ENPP6: variants seen among roughly 807,000 people sequenced by gnomAD.
ENPP6 encodes the protein ectonucleotide pyrophosphatase/phosphodiesterase 6.
In ENPP6, 32 loss-of-function variants were observed where a neutral mutation model predicts 42.0. The ratio of observed to expected loss-of-function variants is 0.76; its 90% confidence interval spans 0.58 to 1.02. The LOEUF is 1.02. ENPP6 is among the 50% of genes least tolerant of loss of function. The probability of loss-of-function intolerance (pLI) is 0.00; values close to 1 mark genes in which losing one functional copy is unlikely to be tolerated. For missense variants in ENPP6, 552 were observed against 566.8 expected, an observed-to-expected ratio of 0.97 and a Z score of 0.27; for synonymous variants, 213 against 216.0, an observed-to-expected ratio of 0.99 and a Z score of 0.12.
chr4:184,178,142 G>C (rs772804537), intron 1 of ENPP6, among the ~76,000 whole-genome samples: 4 of 152,106 alleles, frequency 2.6e-5, no homozygotes, highest in Non-Finnish European at 5.9e-5. Context: ...TACGGGAGCT[G>C]TTAACCAGAA....
Position 184,124,164 on chromosome 4 carries a change from A to C in ENPP6, c.530T>G (p.Phe177Cys), listed in dbSNP as rs1375466120. Residue 177 changes from phenylalanine (F) to cysteine (C), a missense_variant, in exon 3 of 8, where the codon TTC becomes TGC. Phe to Cys is a radical substitution (Grantham distance 205). Transcript: ENST00000296741. ...GGCTAGAGTTTGGGACACTTACTTGAAGGAGTCAAGAGCATCGCTGACTGC... is the reference window on the plus strand; with the variant it reads ...GGCTAGAGTTTGGGACACTTACTTGCAGGAGTCAAGAGCATCGCTGACTGC... ...ANAVSDALDS[F>C]KSGRADLAAI... 1.2e-6 allele frequency: 2 copies of C among 1,612,666 alleles called. No homozygotes were observed. Among genetic ancestry groups the C allele is most frequent in the Non-Finnish European group, 1.7e-6 (2 of 1,178,796 alleles).
intron 2 of ENPP6, among the ~76,000 whole-genome samples, chr4:184,142,964 A>G (rs1736847371): frequency 6.6e-6 from 1 of 152,150 alleles, no homozygotes; most frequent in Non-Finnish European, 1.5e-5. Context: ...CACTTGACAT[A>G]AGCGATCCAC....
chr4:184,148,169 G>A (rs995229105), intron 2 of ENPP6, among the ~76,000 whole-genome samples: 11 of 152,174 alleles, frequency 7.2e-5, no homozygotes, highest in Admixed American at 2.6e-4. Flanking sequence ...GTTCTCGGGA[G>A]GGGGTGCAGG....
chr4:184,170,151 C>A (rs1737437575), intron 1 of ENPP6, among the ~76,000 whole-genome samples: 1 of 152,136 alleles, frequency 6.6e-6, no homozygotes, highest in South Asian at 2.1e-4. Flanking sequence ...GCATTCAGGC[C>A]GGGAAAGGTG....
At chr4:184,146,854 CT>C (rs1174511396) in intron 2 of ENPP6, among the ~76,000 whole-genome samples, 2 of 152,194 alleles carry the variant, frequency 1.3e-5, no homozygotes, top group Non-Finnish European at 2.9e-5. Flanking sequence ...CCTTGGTGTC[CT>C]TTGCAGGCTC....
intron 1 of ENPP6, among the ~76,000 whole-genome samples, chr4:184,154,059 T>A (rs1737112863): frequency 6.6e-6 from 1 of 152,122 alleles, no homozygotes; most frequent in African/African-American, 2.4e-5. Context: ...ATCTGTGGAT[T>A]CCTCTGAGAC....
At chr4:184,186,121 A>G (rs1231569823) in intron 1 of ENPP6, among the ~76,000 whole-genome samples, 1 of 152,234 alleles carries the variant, frequency 6.6e-6, no homozygotes, top group Non-Finnish European at 1.5e-5. Flanking sequence ...GAAACTTGAT[A>G]AAGCGTACAT....
intron 1 of ENPP6, among the ~76,000 whole-genome samples, chr4:184,164,349 T>A (rs1737316384): frequency 6.6e-6 from 1 of 152,168 alleles, no homozygotes; most frequent in African/African-American, 2.4e-5. Context: ...TGTGTTGAAA[T>A]CCTCACCCCA....
chr4:184,194,272 G>A (rs531163892), intron 1 of ENPP6, among the ~76,000 whole-genome samples: 1 of 152,304 alleles, frequency 6.6e-6, no homozygotes, highest in Non-Finnish European at 1.5e-5. Flanking sequence ...ATGTTTCACT[G>A]CACATTAATT....
rs559149244 is a variant in ENPP6, at chr4:184,091,420, G to A, written c.1118-38C>T. ...GGCAAACAAACAAGTTGTCATGGCA[G>A]CTCCAGGGCAGAGGTGGGCTGAACG... On this transcript the variant is annotated intron_variant, in intron 7 of 7. Coordinates refer to ENST00000296741, the MANE Select transcript of ENPP6 (RefSeq NM_153343.4). 43 of 1,565,788 alleles carry A rather than the reference G, an allele frequency of 2.7e-5. No homozygotes were observed. In the East Asian group the frequency reaches 7.0e-4, roughly 26 times the overall value.
chr4:184,178,523 C>T (rs1204444264), intron 1 of ENPP6, among the ~76,000 whole-genome samples: 3 of 152,040 alleles, frequency 2.0e-5, no homozygotes, highest in African/African-American at 4.8e-5. Context: ...TCCAGGGAAC[C>T]CCAGTAAGAT....
chr4:184,097,505 G>A lies in ENPP6; in HGVS notation c.994-137C>T. 3.9e-6 allele frequency: 5 copies of A among 1,267,804 alleles called. No individual in the cohort carries two copies. The South Asian group carries it at 5.9e-5, about 15-fold the overall frequency. 78.5% of individuals were successfully genotyped at this position (1,267,804 alleles called of 1,614,324 possible). On this transcript the variant is annotated intron_variant, in intron 6 of 7. Coordinates refer to ENST00000296741, the MANE Select transcript of ENPP6 (RefSeq NM_153343.4). ...ACTGACCCAGACTGACCCAACCTCC[G>A]CTGCGGCACTTCCTGCTCCAGGCCG...
chr4:184,214,870 T>C (rs1019033028), intron 1 of ENPP6, among the ~76,000 whole-genome samples: 1 of 151,942 alleles, frequency 6.6e-6, no homozygotes, highest in Admixed American at 6.6e-5. Flanking sequence ...TTAGGACAAA[T>C]ACCTAACGCA....
intron 2 of ENPP6, among the ~76,000 whole-genome samples, chr4:184,147,618 G>T (rs905042814): frequency 6.7e-6 from 1 of 149,774 alleles, no homozygotes; most frequent in African/African-American, 2.4e-5. Flanking sequence ...CGCCACCCCC[G>T]ACCCCATGCC....
At position 184,112,678 on chromosome 4, in the gene ENPP6, T is replaced by C; in HGVS notation, c.987A>G (p.Ile329Met). 1 of 1,613,886 alleles carries C rather than the reference T, an allele frequency of 6.2e-7. No individual in the cohort carries two copies. Among genetic ancestry groups the C allele is most frequent in the Non-Finnish European group, 8.5e-7 (1 of 1,179,946 alleles). The change falls in exon 6 of 8, where the codon ATA (isoleucine) becomes ATG (methionine). Residue 329 changes from isoleucine to methionine, a missense_variant. Ile to Met is a conservative substitution (Grantham distance 10, BLOSUM62 1). Coordinates refer to ENST00000296741, the MANE Select transcript of ENPP6 (RefSeq NM_153343.4). ...LTLVADEGWF[I>M]TENREMLPFW... is the part of the protein sequence containing the mutation. ...GCACATATTTCATAATTACCTCAGT[T>C]ATGAACCAGCCTTCATCAGCCACTA...
intron 7 of ENPP6, among the ~76,000 whole-genome samples, chr4:184,095,667 T>A (rs1412456174): frequency 1.5e-4 from 22 of 148,536 alleles, no homozygotes; most frequent in Non-Finnish European, 2.8e-4. Context: ...AAAAAAAAAA[T>A]ATATCTATAT....
chr4:184,112,991 A>C (rs551963002), intron 5 of ENPP6, among the ~76,000 whole-genome samples, 182 bp from the exon 6 acceptor site: 1 of 152,392 alleles, frequency 6.6e-6, no homozygotes, highest in Non-Finnish European at 1.5e-5. Flanking sequence ...AGGTGGCTTC[A>C]TCCAGGAAGG....
At chr4:184,143,912 G>A (rs1330604186) in intron 2 of ENPP6, among the ~76,000 whole-genome samples, 2 of 152,224 alleles carry the variant, frequency 1.3e-5, no homozygotes, top group Non-Finnish European at 2.9e-5. Flanking sequence ...GGTAGGGGGC[G>A]CAGCTGTCTG....
chr4:184,115,810 C>T (rs192802607), intron 5 of ENPP6, among the ~76,000 whole-genome samples: 11 of 152,254 alleles, frequency 7.2e-5, no homozygotes, highest in African/African-American at 2.2e-4. Context: ...TCTTGTTCCC[C>T]GACAGAAACA....
Sources: allele counts gnomAD v4.1 joint callset (sites outside exome capture counted in the v4.1 genomes callset), GRCh38; gene constraint gnomAD v4.1.1; transcripts MANE v1.5; gene names NCBI Gene and HGNC (gene_info 2026-07-23, HGNC 2026-07-21).